TRPC3: variants seen among roughly 807,000 people sequenced by gnomAD.
TRPC3 encodes transient receptor potential cation channel subfamily C member 3.
TRPC3 carries 54 observed loss-of-function variants against 90.9 expected under a neutral mutation model. The observed-to-expected ratio is 0.59, with a 90% CI of 0.48 to 0.75. The LOEUF (loss-of-function observed/expected upper bound fraction) is 0.75, where lower values mean the gene tolerates loss of function less well. Among genes scored for constraint, TRPC3 ranks in the 30% least tolerant of loss-of-function variants. The pLI is 0.00. For synonymous variants in TRPC3, 424 were observed against 450.9 expected, an observed-to-expected ratio of 0.94 and a Z score of 0.75; for missense variants, 918 against 1,194.5, an observed-to-expected ratio of 0.77 and a Z score of 3.41.
Position 121,951,398 on chromosome 4 carries a change from C to T in TRPC3, c.215+68G>A. On this transcript the variant is annotated intron_variant, in intron 1 of 11. Transcript: ENST00000379645. The surrounding 1 kb of genome is among the most constrained non-coding windows in gnomAD (Gnocchi z 4.4). Reference sequence around the variant, plus strand: ...GGGCTCGACGTGGAGCCGCCCGGCGCGCGCCTTCCCGCCCCCCGCCCGGCA... The same window carrying T: ...GGGCTCGACGTGGAGCCGCCCGGCGTGCGCCTTCCCGCCCCCCGCCCGGCA... The T allele has an allele frequency of 9.5e-7, 1 of 1,057,636 alleles. No homozygotes were observed. The highest frequency in any genetic ancestry group is 1.2e-6 in the Non-Finnish European group (1 of 856,420). 65.5% of individuals were successfully genotyped at this position (1,057,636 alleles called of 1,614,324 possible). A position where few individuals can be genotyped will look rare whatever the true frequency, so the allele number is the denominator to read the frequency against.
intron 1 of TRPC3, among the ~76,000 whole-genome samples, chr4:121,949,324 T>C (rs190972488): frequency 6.6e-6 from 1 of 152,238 alleles, no homozygotes; most frequent in African/African-American, 2.4e-5. Flanking sequence ...AATTTCCACA[T>C]GGAATAGGGC....
intron 3 of TRPC3, among the ~76,000 whole-genome samples, chr4:121,919,605 G>A (rs1321876578): frequency 6.6e-6 from 1 of 152,190 alleles, no homozygotes; most frequent in Non-Finnish European, 1.5e-5. Context: ...CGTCTCAGTG[G>A]TGTATTTACC....
intron 10 of TRPC3, among the ~76,000 whole-genome samples, chr4:121,890,451 T>C (rs918334050): frequency 2.6e-5 from 4 of 151,950 alleles, no homozygotes; most frequent in Non-Finnish European, 5.9e-5. Context: ...ATAATTATAA[T>C]GTGTCAATTA....
chr4:121,938,899 T>C (rs1277594666), intron 1 of TRPC3, among the ~76,000 whole-genome samples: 1 of 151,924 alleles, frequency 6.6e-6, no homozygotes, highest in Non-Finnish European at 1.5e-5. Context: ...ACTGCTCTTT[T>C]CATCAGTCGA....
intron 3 of TRPC3, among the ~76,000 whole-genome samples, chr4:121,923,743 G>C (rs1729607654): frequency 6.6e-6 from 1 of 152,178 alleles, no homozygotes; most frequent in Non-Finnish European, 1.5e-5. Context: ...GGTGATGTCA[G>C]GACATGAATC....
At chr4:121,912,239 T>C in intron 4 of TRPC3, 146 bp from the exon 5 acceptor site, 1 of 654,570 alleles carries the variant, frequency 1.5e-6, no homozygotes, top group Non-Finnish European at 2.5e-6. Flanking sequence ...TTATGAAAAA[T>C]ATTCTTTTTT....
At chr4:121,880,433 CA>C (rs1727903421) in intron 11 of TRPC3, among the ~76,000 whole-genome samples, 1 of 152,066 alleles carries the variant, frequency 6.6e-6, no homozygotes, top group South Asian at 2.1e-4. Flanking sequence ...TTAGTTTGTC[CA>C]GCACAAAGGA....
At position 121,902,932 on chromosome 4, in the gene TRPC3, G is replaced by A. The variant is rs777236974; in HGVS notation, c.2383C>T (p.Arg795Ter). 26 of 1,613,306 alleles carry A rather than the reference G, an allele frequency of 1.6e-5. No homozygotes were observed. The East Asian group carries it at 3.3e-4, about 21-fold the overall frequency. Residue 795 changes from arginine to a stop codon, truncating the protein, a stop_gained, in exon 9 of 12, where the codon CGA (arginine) becomes TGA (stop). Transcript: ENST00000379645. LOFTEE classifies it high-confidence loss of function. Reference protein sequence around the residue: ...SPKSFVYFIMRIVNFPKCRRR... With the variant: ...SPKSFVYFIM ...CTGCATTTGGGAAAGTTAACAATTC[G>A]CATGATGAAATAAACAAATGATTTT...
chr4:121,916,762 G>T (rs1729332279), intron 3 of TRPC3, among the ~76,000 whole-genome samples: 1 of 151,624 alleles, frequency 6.6e-6, no homozygotes, highest in African/African-American at 2.4e-5. Flanking sequence ...TGCCCAGGCT[G>T]GAGTGCAATG....
In TRPC3 at chr4:121,897,022, CA is replaced by C. The variant is rs1359853247; in HGVS notation, c.2547+2589del. ...ACCAACTGAGTTTTTACAAAGATGC[CA>C]AAAACACTCATTGGGAAAAGGACAG... On this transcript the variant is annotated intron_variant, in intron 10 of 11. Transcript: ENST00000379645. Among the ~76,000 whole-genome samples, 4 of 151,914 alleles carry C rather than the reference CA, an allele frequency of 2.6e-5. No individual in the cohort carries two copies. The East Asian group carries it at 7.7e-4, about 29-fold the overall frequency.
intron 1 of TRPC3, among the ~76,000 whole-genome samples, chr4:121,939,635 A>G (rs6534328): frequency 6.6e-6 from 1 of 152,216 alleles, no homozygotes; most frequent in South Asian, 2.1e-4. Flanking sequence ...TGGTGTGGAC[A>G]CTGCTATGAG....
chr4:121,936,821 T>C (rs1328822528), intron 1 of TRPC3, among the ~76,000 whole-genome samples: 1 of 152,176 alleles, frequency 6.6e-6, no homozygotes, highest in Non-Finnish European at 1.5e-5. Context: ...TCTCCAGAAC[T>C]GGAAGAAAAT....
chr4:121,913,789 C>G (rs890828251), intron 4 of TRPC3, among the ~76,000 whole-genome samples: 6 of 152,138 alleles, frequency 3.9e-5, no homozygotes, highest in African/African-American at 1.2e-4. Flanking sequence ...AAATGACAAA[C>G]TTTCTGCCTT....
At chr4:121,880,303 A>C (rs1206155722) in intron 11 of TRPC3, among the ~76,000 whole-genome samples, 1 of 152,218 alleles carries the variant, frequency 6.6e-6, no homozygotes, top group Non-Finnish European at 1.5e-5. Flanking sequence ...AATTTTACTA[A>C]AAATGAATCA....
chr4:121,918,858 C>T (rs571438635), intron 3 of TRPC3, among the ~76,000 whole-genome samples: 1 of 152,210 alleles, frequency 6.6e-6, no homozygotes, highest in African/African-American at 2.4e-5. Flanking sequence ...AAAGCTAATC[C>T]CTTTAGGAGA....
At chr4:121,945,402 G>A (rs1438063928) in intron 1 of TRPC3, among the ~76,000 whole-genome samples, 1 of 152,116 alleles carries the variant, frequency 6.6e-6, no homozygotes, top group Non-Finnish European at 1.5e-5. Context: ...CATCTTCCAT[G>A]AAACCAAGAG....
At position 121,879,781 on chromosome 4, in the gene TRPC3, A is replaced by T; in HGVS notation, c.2721T>A (p.His907Gln). 6.2e-7 allele frequency: 1 copy of T among 1,609,062 alleles called. No homozygotes were observed. Reference sequence around the variant, plus strand: ...TGGGATTCAGTTTCTCACTAAGTTTATGAATTAGAATGGCTAATTCCTCAG... The same window carrying T: ...TGGGATTCAGTTTCTCACTAAGTTTTTGAATTAGAATGGCTAATTCCTCAG... Reference protein sequence around the residue: ...QATEELAILIHKLSEKLNPSM... With the variant: ...QATEELAILIQKLSEKLNPSM... The change falls in exon 12 of 12, where the codon CAT (histidine) becomes CAA (glutamine). Residue 907 changes from histidine to glutamine, a missense_variant. By Grantham distance (24) the His-to-Gln change is conservative (BLOSUM62 0). Transcript: ENST00000379645.
chr4:121,899,306 C>T (rs886550419), intron 10 of TRPC3, among the ~76,000 whole-genome samples: 1 of 152,154 alleles, frequency 6.6e-6, no homozygotes, highest in Non-Finnish European at 1.5e-5. Flanking sequence ...TTAAGTTATA[C>T]ATTATTTGGC....
chr4:121,946,731 C>T (rs1730502893), intron 1 of TRPC3, among the ~76,000 whole-genome samples: 1 of 152,160 alleles, frequency 6.6e-6, no homozygotes, highest in Non-Finnish European at 1.5e-5. Flanking sequence ...TTGCTGGGGG[C>T]TTGCTGTTGT....
Sources: allele counts gnomAD v4.1 joint callset (sites outside exome capture counted in the v4.1 genomes callset), GRCh38; gene constraint gnomAD v4.1.1; non-coding constraint Gnocchi (gnomAD v3.1); transcripts MANE v1.5; gene names NCBI Gene and HGNC (gene_info 2026-07-23, HGNC 2026-07-21).